The following CCDC7 variants were observed in gnomAD, a reference collection of about 807,000 sequenced individuals.
The protein encoded by CCDC7 is coiled-coil domain-containing protein 7.
A neutral mutation model predicts 196.9 loss-of-function variants in CCDC7; 183 were observed. The ratio of observed to expected loss-of-function variants is 0.93; its 90% CI spans 0.82 to 1.05. The LOEUF (loss-of-function observed/expected upper bound fraction) is 1.05, where lower values mean the gene tolerates loss of function less well. CCDC7 is among the 50% of genes least tolerant of loss of function. The probability of loss-of-function intolerance (pLI) is 0.00; values close to 1 mark genes in which losing one functional copy is unlikely to be tolerated. For missense variants in CCDC7, 1,540 were observed against 1,482.2 expected (o/e 1.04, Z -0.64); for synonymous variants, 525 against 484.6 (o/e 1.08, Z -1.10).
intron 21 of CCDC7, among the ~76,000 whole-genome samples, chr10:32,669,510 T>C (rs2073610448): frequency 6.6e-6 from 1 of 152,114 alleles, no homozygotes; most frequent in African/African-American, 2.4e-5. Context: ...ATCCATGAGG[T>C]CTTAGCTTTT....
intron 41 of CCDC7, among the ~76,000 whole-genome samples, chr10:32,868,971 T>A (rs535141207): frequency 2.6e-5 from 4 of 152,222 alleles, no homozygotes; most frequent in Non-Finnish European, 5.9e-5. Context: ...TCTATCATTG[T>A]TGGACATTTG....
chr10:32,708,729 A>G (rs948323349), intron 24 of CCDC7, among the ~76,000 whole-genome samples: 3 of 152,246 alleles, frequency 2.0e-5, no homozygotes, highest in Non-Finnish European at 4.4e-5. Context: ...AATGCTCATC[A>G]TCACTGGCCG....
chr10:32,707,301 G>T (rs770956698), intron 24 of CCDC7, among the ~76,000 whole-genome samples: 2 of 152,166 alleles, frequency 1.3e-5, no homozygotes, highest in African/African-American at 4.8e-5. Flanking sequence ...CAATAAATTA[G>T]GTACTGATGG....
intron 11 of CCDC7, among the ~76,000 whole-genome samples, chr10:32,526,352 C>T (rs564702524): frequency 6.6e-6 from 1 of 152,286 alleles, no homozygotes; most frequent in African/African-American, 2.4e-5. Context: ...GAAATATTGT[C>T]CAGAAGTCTC....
intron 18 of CCDC7, among the ~76,000 whole-genome samples, chr10:32,613,650 C>T (rs530636494): frequency 6.6e-6 from 1 of 152,122 alleles, no homozygotes; most frequent in African/African-American, 2.4e-5. Context: ...TTATTTATTT[C>T]TGCCTTAATT....
chr10:32,462,906 G>T, intron 4 of CCDC7, 111 bp from the exon 6 acceptor site: 1 of 1,497,986 alleles, frequency 6.7e-7, no homozygotes, highest in South Asian at 1.2e-5. Flanking sequence ...GCTGATATTT[G>T]ATGGATGAAG....
rs966300745 is a variant in CCDC7, at chr10:32,493,577, C to T, written c.872+1580C>T. ...TCAGAAATGGAATTTTTTGGTCATTCGGTAGTTCTGTTTTTATCTTTTTTG... is the reference window on the plus strand; with the variant it reads ...TCAGAAATGGAATTTTTTGGTCATTTGGTAGTTCTGTTTTTATCTTTTTTG... On this transcript the variant is annotated intron_variant, in intron 9 of 41. Transcript: ENST00000639629. 4.6e-5 allele frequency among the ~76,000 whole-genome samples: 7 copies of T among 151,538 alleles called. No individual in the cohort carries two copies. In the East Asian group the frequency reaches 5.8e-4, roughly 13 times the overall value.
chr10:32,620,071 C>T (rs2063234204), intron 18 of CCDC7, among the ~76,000 whole-genome samples: 1 of 151,766 alleles, frequency 6.6e-6, no homozygotes, highest in African/African-American at 2.4e-5. Context: ...TACAGACATG[C>T]ACCACCACAC....
At chr10:32,525,459 A>G (rs2048526112) in intron 11 of CCDC7, among the ~76,000 whole-genome samples, 1 of 152,060 alleles carries the variant, frequency 6.6e-6, no homozygotes, top group Non-Finnish European at 1.5e-5. Context: ...CCTTCTCTGT[A>G]TTATCTTGAA....
intron 22 of CCDC7, among the ~76,000 whole-genome samples, chr10:32,687,085 G>A (rs1301410162): frequency 6.6e-6 from 1 of 152,150 alleles, no homozygotes; most frequent in Non-Finnish European, 1.5e-5. Flanking sequence ...TACCTTTATG[G>A]ACAGTCACAA....
intron 21 of CCDC7, chr10:32,675,803 T>C (rs1012541597): frequency 2.0e-5 from 3 of 152,120 alleles, no homozygotes; most frequent in African/African-American, 7.2e-5. Flanking sequence ...AAAATGGCCA[T>C]ACTGCCCAAG....
At chr10:32,827,977 T>C (rs1357747237) in intron 32 of CCDC7, among the ~76,000 whole-genome samples, 4 of 152,100 alleles carry the variant, frequency 2.6e-5, no homozygotes, top group Non-Finnish European at 5.9e-5. Flanking sequence ...AAAGAGACAT[T>C]TATCATCTAT....
chr10:32,751,700 C>T (rs1357962516), intron 28 of CCDC7, among the ~76,000 whole-genome samples: 1 of 152,110 alleles, frequency 6.6e-6, no homozygotes, highest in Admixed American at 6.6e-5. Flanking sequence ...CTTCACCTAG[C>T]CATTTCACTG....
intron 22 of CCDC7, among the ~76,000 whole-genome samples, chr10:32,686,820 G>A (rs1260218634): frequency 1.3e-5 from 2 of 152,156 alleles, no homozygotes; most frequent in Non-Finnish European, 1.5e-5. Context: ...TGCTGCATGT[G>A]GGCCAATACA....
At chr10:32,606,546 G>A (rs1007840330) in intron 18 of CCDC7, among the ~76,000 whole-genome samples, 4 of 152,242 alleles carry the variant, frequency 2.6e-5, no homozygotes, top group East Asian at 1.9e-4. Context: ...CAGGGGCAGA[G>A]CTGCCCAGGG....
At chr10:32,505,926 G>A (rs540391264) in intron 9 of CCDC7, among the ~76,000 whole-genome samples, 187 of 148,658 alleles carry the variant, frequency 1.3e-3, no homozygotes, top group Middle Eastern at 0.011. Context: ...GGTGGCGGCC[G>A]GGCAGAGGTG....
intron 28 of CCDC7, among the ~76,000 whole-genome samples, chr10:32,755,225 C>T (rs1024589604): frequency 5.9e-5 from 9 of 152,198 alleles, no homozygotes; most frequent in Non-Finnish European, 1.0e-4. Flanking sequence ...GCAGAAACTT[C>T]TGCAGACTTA....
At chr10:32,833,571 A>G (rs758394713) in intron 32 of CCDC7, among the ~76,000 whole-genome samples, 1 of 152,184 alleles carries the variant, frequency 6.6e-6, no homozygotes, top group African/African-American at 2.4e-5. Flanking sequence ...CAAATGAATT[A>G]GTACTCCTTG....
At chr10:32,518,022 CT>C in intron 10 of CCDC7, 47 bp downstream of exon 11, 1 of 1,524,006 alleles carries the variant, frequency 6.6e-7, no homozygotes, top group Non-Finnish European at 8.8e-7. Flanking sequence ...TCCTTGAGTT[CT>C]TAACAGATTC....
Sources: gnomAD v4.1 joint callset for allele counts (sites outside exome capture counted in the v4.1 genomes callset) on GRCh38, gnomAD v4.1.1 for gene constraint, MANE v1.5 for transcripts, NCBI Gene and HGNC (gene_info 2026-07-23, HGNC 2026-07-21) for gene names.